VTI1A: variants seen among roughly 807,000 people sequenced by gnomAD.
The protein encoded by VTI1A is vesicle transport through interaction with t-SNAREs 1A, also known as vesicle transport through interaction with t-SNAREs homolog 1A.
A neutral mutation model predicts 34.9 loss-of-function variants in VTI1A; 22 were observed. The ratio of observed to expected loss-of-function variants is 0.63; its 90% CI spans 0.45 to 0.90. The LOEUF is 0.90. VTI1A is among the 40% of genes least tolerant of loss of function. The pLI is 0.00. For missense variants in VTI1A, 268 were observed against 275.6 expected (o/e 0.97, Z 0.20); for synonymous variants, 87 against 97.3 (o/e 0.89, Z 0.62).
At chr10:112,497,735 A>G (rs780807145) in intron 3 of VTI1A, among the ~76,000 whole-genome samples, 3 of 152,188 alleles carry the variant, frequency 2.0e-5, no homozygotes, top group Non-Finnish European at 4.4e-5. Context: ...ACACTTGGTT[A>G]CTCAGTGTAT....
chr10:112,812,374 A>G (rs1853349303), intron 7 of VTI1A, among the ~76,000 whole-genome samples: 1 of 152,204 alleles, frequency 6.6e-6, no homozygotes, highest in South Asian at 2.1e-4. Flanking sequence ...CTTCGCTGCC[A>G]TCTCACTAGC....
intron 7 of VTI1A, among the ~76,000 whole-genome samples, chr10:112,681,544 C>T (rs928186016): frequency 6.6e-5 from 10 of 152,106 alleles, no homozygotes; most frequent in Non-Finnish European, 1.2e-4. Flanking sequence ...AAAAATTACA[C>T]AAATTCAAAT....
intron 5 of VTI1A, among the ~76,000 whole-genome samples, chr10:112,666,422 A>G (rs1036912097): frequency 2.4e-4 from 36 of 152,152 alleles, no homozygotes; most frequent in African/African-American, 8.7e-4. Flanking sequence ...TCTTCTGTTA[A>G]CACTTGTCTG....
At chr10:112,625,640 C>CAAAAAA (rs766419906) in intron 5 of VTI1A, among the ~76,000 whole-genome samples, 9 of 82,584 alleles carry the variant, frequency 1.1e-4, no homozygotes, top group African/African-American at 4.6e-4. Context: ...AACTCTGTCT[C>CAAAAAA]AAAAAAAAAA....
At chr10:112,740,080 A>C (rs775593685) in intron 7 of VTI1A, among the ~76,000 whole-genome samples, 1 of 152,212 alleles carries the variant, frequency 6.6e-6, no homozygotes, top group South Asian at 2.1e-4. Context: ...TTGTTTTTAA[A>C]CGTTTAGAAA....
the VTI1A span, among the ~76,000 whole-genome samples, chr10:112,834,941 G>T: frequency 6.6e-6 from 1 of 152,212 alleles, no homozygotes; most frequent in Admixed American, 6.5e-5. Flanking sequence ...CCTGCCACTT[G>T]AGAGAGCCCT....
chr10:112,717,878 G>A (rs1849665183), intron 7 of VTI1A, among the ~76,000 whole-genome samples: 1 of 152,150 alleles, frequency 6.6e-6, no homozygotes, highest in African/African-American at 2.4e-5. Context: ...AATACAATCT[G>A]TCACATCCCC....
At chr10:112,703,936 G>A (rs571007305) in intron 7 of VTI1A, among the ~76,000 whole-genome samples, 106 of 152,292 alleles carry the variant, frequency 7.0e-4, no homozygotes, top group Non-Finnish European at 1.2e-3. Context: ...GAAGGGCCAA[G>A]CTTAGCTTTA....
intron 5 of VTI1A, among the ~76,000 whole-genome samples, chr10:112,642,347 A>G (rs541037948): frequency 6.6e-6 from 1 of 152,178 alleles, no homozygotes; most frequent in African/African-American, 2.4e-5. Flanking sequence ...TCTGAGTTGT[A>G]TTCCTCTGAT....
intron 7 of VTI1A, among the ~76,000 whole-genome samples, chr10:112,772,157 A>G (rs986615650): frequency 6.6e-6 from 1 of 152,232 alleles, no homozygotes; most frequent in African/African-American, 2.4e-5. Flanking sequence ...GTACTATTTT[A>G]TATTCCCACC....
chr10:112,685,764 A>G (rs997605327), intron 7 of VTI1A, among the ~76,000 whole-genome samples: 22 of 152,146 alleles, frequency 1.4e-4, no homozygotes, highest in African/African-American at 5.3e-4. Flanking sequence ...TTGAATCTGC[A>G]AATGGAGAGC....
rs189918694 is a variant in VTI1A at position 112,722,764 on chromosome 10, T to G, written c.560+53766T>G. 3.0e-4 allele frequency among the ~76,000 whole-genome samples: 46 copies of G among 152,098 alleles called. No individual in the cohort carries two copies. In the East Asian group the frequency reaches 5.0e-3, roughly 17 times the overall value. ...ATCATATTCTCTAGTTCCCAGATAC[T>G]GGTGGGTTCCCAGTATCTTAACAGC... On this transcript the variant is annotated intron_variant, in intron 7 of 7. Coordinates refer to ENST00000393077, the MANE Select transcript of VTI1A (RefSeq NM_145206.4).
intron 7 of VTI1A, among the ~76,000 whole-genome samples, chr10:112,761,081 A>G (rs1851448843): frequency 6.6e-6 from 1 of 152,148 alleles, no homozygotes; most frequent in Non-Finnish European, 1.5e-5. Flanking sequence ...AAGGCTGAAA[A>G]AATTAAAGTC....
chr10:112,530,861 G>A (rs1437642227), intron 4 of VTI1A, among the ~76,000 whole-genome samples: 3 of 152,076 alleles, frequency 2.0e-5, no homozygotes, highest in African/African-American at 7.2e-5. Flanking sequence ...GCACAAATCT[G>A]TTCGTTACGT....
chr10:112,842,956 C>T, the VTI1A span, among the ~76,000 whole-genome samples: 1 of 152,144 alleles, frequency 6.6e-6, no homozygotes, highest in African/African-American at 2.4e-5. Flanking sequence ...AAAGGTCAGG[C>T]CAGCAGCTGC....
chr10:112,795,079 T>C (rs1432356590), intron 7 of VTI1A, among the ~76,000 whole-genome samples: 2 of 152,216 alleles, frequency 1.3e-5, no homozygotes, highest in Non-Finnish European at 2.9e-5. Context: ...TAATCATAAA[T>C]GCAAAGTGAC....
At chr10:112,654,220 A>G (rs1847142222) in intron 5 of VTI1A, among the ~76,000 whole-genome samples, 1 of 152,190 alleles carries the variant, frequency 6.6e-6, no homozygotes, top group Admixed American at 6.5e-5. Context: ...ATAATTTTTT[A>G]GTGTGCTTCA....
chr10:112,656,521 ATTTTTT>A (rs768159688), intron 5 of VTI1A, among the ~76,000 whole-genome samples: 5 of 103,184 alleles, frequency 4.8e-5, no homozygotes, highest in Admixed American at 1.3e-4. Flanking sequence ...CACCCAGATA[ATTTTTT>A]TTTTTTTTTT....
chr10:112,467,049 C>T (rs1283706110), intron 3 of VTI1A, among the ~76,000 whole-genome samples: 1 of 152,170 alleles, frequency 6.6e-6, no homozygotes, highest in African/African-American at 2.4e-5. Context: ...TATCTCTGGA[C>T]AGTCACATTC....
Sources: gnomAD v4.1 joint callset for allele counts (sites outside exome capture counted in the v4.1 genomes callset) on GRCh38, gnomAD v4.1.1 for gene constraint, MANE v1.5 for transcripts, NCBI Gene and HGNC (gene_info 2026-07-23, HGNC 2026-07-21) for gene names.